The following LRRK2 variants were observed in gnomAD, a reference collection of about 807,000 sequenced individuals.
LRRK2 encodes leucine-rich repeat serine/threonine-protein kinase 2.
In LRRK2, 203 loss-of-function variants were observed where a neutral mutation model predicts 302.6. That is an observed-to-expected ratio of 0.67 (90% CI 0.60 to 0.75). LRRK2 has a LOEUF of 0.75. Among genes scored for constraint, LRRK2 ranks in the 30% least tolerant of loss-of-function variants. The probability of loss-of-function intolerance (pLI) is 0.00; values close to 1 mark genes in which losing one functional copy is unlikely to be tolerated. For missense variants in LRRK2, 2,830 were observed against 2,951.0 expected, an observed-to-expected ratio of 0.96 and a Z score of 0.95; for synonymous variants, 1,066 against 1,031.9, an observed-to-expected ratio of 1.03 and a Z score of -0.63.
rs878853306 is a variant in LRRK2 at position 40,298,333 on chromosome 12, C to T, written c.3187C>T (p.Leu1063Phe). The change falls in exon 24 of 51, where the codon CTT (leucine) becomes TTT (phenylalanine). Residue 1063 changes from leucine (L) to phenylalanine (F), a missense_variant. This residue lies in a region of LRRK2 where 2,121 missense variants were observed against 2,148.0 expected (regional missense o/e 0.99). Coordinates refer to ENST00000298910, the MANE Select transcript of LRRK2 (RefSeq NM_198578.4). ...GTTGAAAATGAGTTGTATTGCTAAT[C>T]TTGATGTCTCTCGAAATGACATTGG... ...YLLKMSCIAN[L>F]DVSRNDIGPS... is the part of the protein sequence containing the mutation. The T allele has an allele frequency of 1.2e-6, 2 of 1,613,844 alleles. No individual in the cohort carries two copies. Among genetic ancestry groups the T allele is most frequent in the Non-Finnish European group, 1.7e-6 (2 of 1,179,944 alleles).
At chr12:40,277,394 A>C (rs1943503211) in intron 16 of LRRK2, among the ~76,000 whole-genome samples, 1 of 152,188 alleles carries the variant, frequency 6.6e-6, no homozygotes, top group Admixed American at 6.6e-5. Flanking sequence ...GAAATCTAGG[A>C]GTCCACACTA....
At chr12:40,261,211 C>CA (rs1162682290) in intron 13 of LRRK2, among the ~76,000 whole-genome samples, 1 of 152,034 alleles carries the variant, frequency 6.6e-6, no homozygotes, top group East Asian at 1.9e-4. Context: ...TAATTAAAAA[C>CA]AATAAAAATG....
intron 42 of LRRK2, 66 bp downstream of exon 42, chr12:40,346,989 A>C (rs760614040): frequency 3.1e-5 from 41 of 1,343,456 alleles, no homozygotes; most frequent in South Asian, 2.3e-4. Context: ...TTTTTATTTA[A>C]TTGTAGTTGT....
chr12:40,353,732 G>T (rs3930031), intron 44 of LRRK2, among the ~76,000 whole-genome samples: 7 of 152,076 alleles, frequency 4.6e-5, no homozygotes, highest in African/African-American at 1.2e-4. Context: ...CTGCAATCCC[G>T]GCACCTCGGG....
intron 40 of LRRK2, among the ~76,000 whole-genome samples, chr12:40,335,681 A>G (rs1945847880): frequency 6.6e-6 from 1 of 152,190 alleles, no homozygotes; most frequent in Non-Finnish European, 1.5e-5. Flanking sequence ...TCACTATTCC[A>G]CACATTTAGT....
chr12:40,232,585 G>A, intron 3 of LRRK2: 2 of 524,218 alleles, frequency 3.8e-6, no homozygotes, highest in Non-Finnish European at 6.8e-6. Context: ...AAACATTTAA[G>A]GTAACATGTC....
At chr12:40,266,093 C>T (rs992723789) in intron 14 of LRRK2, among the ~76,000 whole-genome samples, 1 of 152,194 alleles carries the variant, frequency 6.6e-6, no homozygotes, top group Non-Finnish European at 1.5e-5. Context: ...TAGGCATAGG[C>T]AAGGCCTTCA....
intron 20 of LRRK2, among the ~76,000 whole-genome samples, chr12:40,292,456 G>A (rs1405751853): frequency 6.6e-6 from 1 of 151,818 alleles, no homozygotes; most frequent in Non-Finnish European, 1.5e-5. Context: ...TATGCTGCTT[G>A]TACAAATAAT....
At chr12:40,275,622 T>C (rs1275337372) in intron 16 of LRRK2, among the ~76,000 whole-genome samples, 2 of 151,924 alleles carry the variant, frequency 1.3e-5, no homozygotes, top group African/African-American at 4.8e-5. Flanking sequence ...ATTTTTTTTT[T>C]TTTTTTGGAG....
At chr12:40,309,532 T>C (rs1003640288) in intron 30 of LRRK2, among the ~76,000 whole-genome samples, 1 of 152,092 alleles carries the variant, frequency 6.6e-6, no homozygotes, top group Non-Finnish European at 1.5e-5. Context: ...TTAAATGAAA[T>C]CTAAATTTTT....
intron 3 of LRRK2, among the ~76,000 whole-genome samples, chr12:40,234,628 C>A (rs778858772): frequency 7.9e-5 from 12 of 151,944 alleles, no homozygotes; most frequent in Non-Finnish European, 1.5e-4. Flanking sequence ...CCCCCCGCCT[C>A]GGCGTCCCAA....
Position 40,240,618 on chromosome 12 carries a change from G to T in LRRK2, c.706+1G>T, listed in dbSNP as rs1166221766. On this transcript the variant is annotated splice_donor_variant, in intron 6 of 50. Coordinates refer to ENST00000298910, the MANE Select transcript of LRRK2 (RefSeq NM_198578.4). LOFTEE classifies it high-confidence loss of function. ...TGTTTACATTCCCTAGCGATTCCTT[G>T]TAAGTAGCATTTAAATGTTATTTAT... 3 of 1,612,564 alleles carry T rather than the reference G, an allele frequency of 1.9e-6. No individual in the cohort carries two copies. The South Asian group carries it at 3.3e-5, about 18-fold the overall frequency.
chr12:40,249,819 C>T lies in LRRK2; in HGVS notation c.839-7C>T, dbSNP rs1359891322. ...AGAATTCAGCTAATGTTTCACTTAA[C>T]TTTTAGGTAATTTTTTCAATATCCT... On this transcript the variant is annotated splice_region_variant and splice_polypyrimidine_tract_variant and intron_variant, in intron 7 of 50. Transcript: ENST00000298910. The T allele has an allele frequency of 6.2e-7, 1 of 1,613,244 alleles. No homozygotes were observed. Among genetic ancestry groups the T allele is most frequent in the Non-Finnish European group, 8.5e-7 (1 of 1,179,472 alleles).
chr12:40,274,210 A>G (rs994062181), intron 14 of LRRK2, among the ~76,000 whole-genome samples: 1 of 152,136 alleles, frequency 6.6e-6, no homozygotes, highest in African/African-American at 2.4e-5. Flanking sequence ...GGTGAAACAT[A>G]TTTGGTTTGG....
rs1336741773 is a variant in LRRK2 at position 40,315,229 on chromosome 12, C to T, written c.4756C>T (p.Gln1586Ter). 1 of 1,612,364 alleles carries T rather than the reference C, an allele frequency of 6.2e-7. No homozygotes were observed. The highest frequency in any genetic ancestry group is 1.7e-5 in the Admixed American group (1 of 59,930). ...TACTACAGGAGTCCTTCTTCATTTT[C>T]AAGACCCAGCACTGCAGTTAAGTGA... The part of the protein sequence containing the change: ...LNESGVLLHF[Q>*]DPALQLSDLY... Residue 1586 changes from glutamine (Q) to a stop codon, truncating the protein, a stop_gained, in exon 33 of 51, where the codon CAA (glutamine) becomes TAA (stop). Coordinates refer to ENST00000298910, the MANE Select transcript of LRRK2 (RefSeq NM_198578.4). LOFTEE classifies it high-confidence loss of function.
At chr12:40,365,096 T>C (rs200140353) in intron 49 of LRRK2, 46 bp downstream of exon 49, 9 of 1,524,234 alleles carry the variant, frequency 5.9e-6, no homozygotes, top group Non-Finnish European at 7.3e-6. Context: ...CTAAGTCTTA[T>C]AAAATATGCC....
intron 14 of LRRK2, among the ~76,000 whole-genome samples, chr12:40,273,754 T>C (rs186484250): frequency 6.6e-6 from 1 of 152,280 alleles, no homozygotes; most frequent in East Asian, 1.9e-4. Flanking sequence ...AGTTAAGCAT[T>C]CATATCAAGG....
chr12:40,344,866 T>C (rs1565767660), intron 41 of LRRK2, among the ~76,000 whole-genome samples: 1 of 151,992 alleles, frequency 6.6e-6, no homozygotes, highest in Non-Finnish European at 1.5e-5. Context: ...CACATGATAA[T>C]TATATGTAAT....
At chr12:40,358,624 C>A (rs1946613461) in intron 46 of LRRK2, among the ~76,000 whole-genome samples, 1 of 152,118 alleles carries the variant, frequency 6.6e-6, no homozygotes, top group Non-Finnish European at 1.5e-5. Flanking sequence ...GTTACTCTAG[C>A]CTTGTAATAT....
Sources: allele counts gnomAD v4.1 joint callset (sites outside exome capture counted in the v4.1 genomes callset), GRCh38; gene constraint gnomAD v4.1.1; regional missense constraint gnomAD v4.1.1; transcripts MANE v1.5; gene names NCBI Gene and HGNC (gene_info 2026-07-23, HGNC 2026-07-21).